CLSTN2: variants seen among roughly 807,000 people sequenced by gnomAD.
CLSTN2 encodes the protein calsyntenin-2.
A neutral mutation model predicts 101.2 loss-of-function variants in CLSTN2; 48 were observed. The ratio of observed to expected loss-of-function variants is 0.47; its 90% confidence interval spans 0.38 to 0.60. CLSTN2 has a LOEUF of 0.60. Ranked by LOEUF, CLSTN2 falls within the 20% of genes least tolerant of loss-of-function variation. CLSTN2 has a pLI of 0.00. For missense variants in CLSTN2, 1,160 were observed against 1,238.2 expected (o/e 0.94, Z 0.95); for synonymous variants, 481 against 463.6 (o/e 1.04, Z -0.48).
chr3:140,244,510 C>T (rs543629346), intron 2 of CLSTN2, among the ~76,000 whole-genome samples: 2 of 152,330 alleles, frequency 1.3e-5, no homozygotes, highest in South Asian at 4.1e-4. Context: ...CGCTCATGCA[C>T]TTAGAGCACC....
intron 5 of CLSTN2, among the ~76,000 whole-genome samples, chr3:140,438,178 T>G (rs1014953266): frequency 2.6e-5 from 4 of 152,232 alleles, no homozygotes; most frequent in Admixed American, 6.5e-5. Flanking sequence ...CTATGGTCAT[T>G]TTGAAAACTG....
At chr3:140,523,242 C>T (rs2099020) in intron 8 of CLSTN2, among the ~76,000 whole-genome samples, 6 of 151,954 alleles carry the variant, frequency 3.9e-5, no homozygotes, top group East Asian at 1.9e-4. Context: ...TTCTGGGACC[C>T]GAATTCAGAC....
At chr3:140,518,351 C>T (rs1451713250) in intron 8 of CLSTN2, among the ~76,000 whole-genome samples, 1 of 152,214 alleles carries the variant, frequency 6.6e-6, no homozygotes, top group African/African-American at 2.4e-5. Context: ...GAAATTGTTA[C>T]AAAGTTCAGC....
At chr3:140,464,458 A>C (rs1933638976) in intron 7 of CLSTN2, among the ~76,000 whole-genome samples, 1 of 152,262 alleles carries the variant, frequency 6.6e-6, no homozygotes, top group Non-Finnish European at 1.5e-5. Flanking sequence ...AGAATTCCTA[A>C]GGACAGGAAA....
At chr3:140,256,705 G>C (rs372947322) in intron 2 of CLSTN2, among the ~76,000 whole-genome samples, 1 of 152,310 alleles carries the variant, frequency 6.6e-6, no homozygotes, top group Admixed American at 6.5e-5. Context: ...TTGAACTGGG[G>C]TGTCCCCAGG....
chr3:140,345,599 A>G (rs929642577), intron 2 of CLSTN2, among the ~76,000 whole-genome samples: 6 of 123,594 alleles, frequency 4.9e-5, no homozygotes, highest in East Asian at 4.1e-4. Context: ...TTATGTGTGG[A>G]ATTTTTTTTT....
intron 1 of CLSTN2, among the ~76,000 whole-genome samples, chr3:139,955,110 TGC>T (rs2107811945): frequency 4.9e-5 from 1 of 20,264 alleles, no homozygotes. Flanking sequence ...ATGGCAATAT[TGC>T]TATATATATA....
At chr3:140,218,491 G>A (rs749755817) in intron 2 of CLSTN2, among the ~76,000 whole-genome samples, 3 of 152,142 alleles carry the variant, frequency 2.0e-5, no homozygotes, top group Admixed American at 6.5e-5. Flanking sequence ...GTCATTAGAA[G>A]CAGCACCCAG....
intron 2 of CLSTN2, among the ~76,000 whole-genome samples, chr3:140,208,804 G>A (rs993125578): frequency 4.6e-5 from 7 of 152,106 alleles, no homozygotes; most frequent in African/African-American, 1.4e-4. Context: ...CATAAAGGCC[G>A]TGTGACTTGT....
At chr3:140,123,591 C>T (rs887884010) in intron 1 of CLSTN2, among the ~76,000 whole-genome samples, 1 of 152,110 alleles carries the variant, frequency 6.6e-6, no homozygotes, top group Non-Finnish European at 1.5e-5. Flanking sequence ...TTAGTCAGCT[C>T]AGGCTGCCAT....
chr3:140,514,545 T>G (rs1934880329), intron 8 of CLSTN2, among the ~76,000 whole-genome samples: 1 of 152,174 alleles, frequency 6.6e-6, no homozygotes, highest in Non-Finnish European at 1.5e-5. Flanking sequence ...GGGCATTTGG[T>G]CTGGTTCCAT....
chr3:140,572,218 C>T lies in CLSTN2; in HGVS notation c.*5965C>T, dbSNP rs923784786. The T allele has an allele frequency of 6.6e-6, 1 of 152,164 alleles. No individual in the cohort carries two copies. The highest frequency in any genetic ancestry group is 6.5e-5 in the Admixed American group (1 of 15,270). The allele number at this position is 152,164 out of a possible 1,614,324, so 9.4% of individuals were successfully genotyped here. On this transcript the variant is annotated 3_prime_UTR_variant, in exon 17 of 17. Coordinates refer to ENST00000458420, the MANE Select transcript of CLSTN2 (RefSeq NM_022131.3). ...CAGATGACAGGTGTAATTCTAGGGG[C>T]CCTGATATGCATCACTGAGGCAGAC...
chr3:140,552,519 A>G (rs1935722409), intron 10 of CLSTN2, among the ~76,000 whole-genome samples: 1 of 152,068 alleles, frequency 6.6e-6, no homozygotes, highest in Non-Finnish European at 1.5e-5. Flanking sequence ...AGACCTCCCA[A>G]TGCTGTGGCA....
intron 2 of CLSTN2, among the ~76,000 whole-genome samples, chr3:140,279,657 G>A (rs1484026050): frequency 6.6e-6 from 1 of 152,182 alleles, no homozygotes; most frequent in East Asian, 1.9e-4. Context: ...CTTAACTGTG[G>A]TGGATGAGCC....
At chr3:139,983,963 A>C (rs1935979422) in intron 1 of CLSTN2, among the ~76,000 whole-genome samples, 1 of 152,196 alleles carries the variant, frequency 6.6e-6, no homozygotes. Flanking sequence ...CAACCTCCCC[A>C]AATGTTCTTC....
chr3:140,288,638 T>C (rs541609882), intron 2 of CLSTN2, among the ~76,000 whole-genome samples: 11 of 152,336 alleles, frequency 7.2e-5, no homozygotes, highest in Admixed American at 5.2e-4. Context: ...TGATTTTCCT[T>C]CTTCTCACTA....
chr3:140,481,026 C>G (rs754918020), intron 8 of CLSTN2, among the ~76,000 whole-genome samples: 4 of 152,208 alleles, frequency 2.6e-5, no homozygotes, highest in Non-Finnish European at 5.9e-5. Context: ...TTGCCCATGC[C>G]TATGTCCTGA....
intron 6 of CLSTN2, chr3:140,454,867 C>T (rs1460217523): frequency 1.3e-5 from 2 of 152,180 alleles, no homozygotes; most frequent in African/African-American, 2.4e-5. Flanking sequence ...AGTCTCATGG[C>T]CAAGCTGATA....
At chr3:139,953,931 T>TGTGTGTGTGTGTGTG (rs1576374977) in intron 1 of CLSTN2, among the ~76,000 whole-genome samples, 106 of 147,486 alleles carry the variant, frequency 7.2e-4, no homozygotes, top group African/African-American at 2.5e-3. Flanking sequence ...GTGTGTGTGT[T>TGTGTGTGTGTGTGTG]TGTGTGTGTG....
Sources: allele counts gnomAD v4.1 joint callset (sites outside exome capture counted in the v4.1 genomes callset), GRCh38; gene constraint gnomAD v4.1.1; transcripts MANE v1.5; gene names NCBI Gene and HGNC (gene_info 2026-07-23, HGNC 2026-07-21).